Variants in ANKAR observed in about 807,000 individuals in gnomAD.
ANKAR encodes ankyrin and armadillo repeat containing.
ANKAR carries 136 observed loss-of-function variants against 146.2 expected under a neutral mutation model. The observed-to-expected ratio is 0.93, with a 90% CI of 0.81 to 1.07. The LOEUF (loss-of-function observed/expected upper bound fraction) is 1.07. Ranked by LOEUF, ANKAR falls within the 50% of genes least tolerant of loss-of-function variation. The pLI is 0.00. For missense variants in ANKAR, 1,567 were observed against 1,679.9 expected (o/e 0.93, Z 1.18); for synonymous variants, 500 against 575.8 (o/e 0.87, Z 1.88).
intron 21 of ANKAR, 74 bp downstream of exon 21, chr2:189,743,548 C>T (rs1236606661): frequency 3.0e-6 from 4 of 1,315,792 alleles, no homozygotes; most frequent in African/African-American, 3.0e-5. Flanking sequence ...TAGTAAGATC[C>T]AACAAGAGGA....
At chr2:189,751,444 G>GTTTTT (rs779920289), downstream of ANKAR, among the ~76,000 whole-genome samples, 2 of 126,146 alleles carry the variant, frequency 1.6e-5, no homozygotes, top group Non-Finnish European at 1.6e-5. Context: ...GACAAGTTGT[G>GTTTTT]TTTTTTTTTT....
intron 18 of ANKAR, chr2:189,755,542 AG>A (rs1201580778): frequency 1.3e-6 from 2 of 1,598,956 alleles, no homozygotes; most frequent in Admixed American, 3.6e-5. Flanking sequence ...GAGCTGCTGG[AG>A]GAACAATCCC....
intron 9 of ANKAR, among the ~76,000 whole-genome samples, chr2:189,709,250 G>T (rs2039375617): frequency 6.6e-6 from 1 of 152,166 alleles, no homozygotes; most frequent in Admixed American, 6.5e-5. Flanking sequence ...AGAAAGGGAA[G>T]TAAGAGGAAA....
chr2:189,677,901 A>G (rs2034000798), intron 2 of ANKAR, among the ~76,000 whole-genome samples: 1 of 152,144 alleles, frequency 6.6e-6, no homozygotes, highest in Admixed American at 6.5e-5. Flanking sequence ...ATAAACATGC[A>G]TGTGCAAGTG....
At chr2:189,698,467 A>C (rs1053309689) in intron 7 of ANKAR, among the ~76,000 whole-genome samples, 3 of 152,174 alleles carry the variant, frequency 2.0e-5, no homozygotes, top group African/African-American at 7.2e-5. Context: ...CTGAGGAATG[A>C]GTCGTTTTTG....
intron 10 of ANKAR, among the ~76,000 whole-genome samples, chr2:189,716,768 C>A (rs1468077180): frequency 5.3e-5 from 8 of 151,728 alleles, no homozygotes; most frequent in Non-Finnish European, 8.8e-5. Flanking sequence ...CAGAACAGAG[C>A]CCTCAGAAAT....
At chr2:189,741,231 ACAGAGATGT>A in intron 19 of ANKAR, 102 bp from the exon 20 acceptor site, 1 of 618,220 alleles carries the variant, frequency 1.6e-6, no homozygotes. Flanking sequence ...TGCTTCATTG[ACAGAGATGT>A]CTTGTGACAC....
rs1001710696 is a variant in ANKAR, at chr2:189,728,191, A to G, written c.2878-76A>G. The G allele has an allele frequency of 4.0e-6, 6 of 1,499,416 alleles. No individual in the cohort carries two copies. In the Admixed American group the frequency reaches 9.5e-5, roughly 24 times the overall value. 92.9% of individuals were successfully genotyped at this position (1,499,416 alleles called of 1,614,324 possible). A position where few individuals can be genotyped will look rare whatever the true frequency, so the allele number is the denominator to read the frequency against. On this transcript the variant is annotated intron_variant, in intron 13 of 22. Coordinates refer to ENST00000684021, the MANE Select transcript of ANKAR (RefSeq NM_001378068.1). ...AGAAAAACTAAACCAATTCTAGAAT[A>G]AACATTTTATAAAATATGCATTCCT... is the stretch of plus-strand genomic sequence containing the variant.
chr2:189,677,184 C>CA (rs1316551094), intron 2 of ANKAR, 93 bp downstream of exon 2: 1 of 1,301,068 alleles, frequency 7.7e-7, no homozygotes, highest in African/African-American at 1.5e-5. Flanking sequence ...CCCCTGAGCT[C>CA]AAGCCATTCA....
chr2:189,694,903 G>C (rs2036968074), intron 5 of ANKAR, 78 bp from the exon 6 acceptor site: 7 of 936,012 alleles, frequency 7.5e-6, no homozygotes, highest in Non-Finnish European at 1.0e-5. Flanking sequence ...AAAAATAAAA[G>C]TTTTGCCAGC....
chr2:189,759,693 A>C (rs894266079), intron 18 of ANKAR, among the ~76,000 whole-genome samples: 1 of 152,134 alleles, frequency 6.6e-6, no homozygotes, highest in Admixed American at 6.5e-5. Context: ...CACTATTCAG[A>C]TGTTGTAAAT....
intron 7 of ANKAR, 57 bp from the exon 8 acceptor site, chr2:189,704,966 G>T: frequency 6.5e-7 from 1 of 1,529,280 alleles, no homozygotes; most frequent in Non-Finnish European, 9.0e-7. Flanking sequence ...AGGCATTTAG[G>T]TTTTTTTTAG....
chr2:189,708,739 T>C (rs2039296311), intron 9 of ANKAR, among the ~76,000 whole-genome samples: 3 of 152,154 alleles, frequency 2.0e-5, no homozygotes, highest in African/African-American at 7.2e-5. Context: ...TTGAGAAGCA[T>C]CTGTCTAGGA....
At chr2:189,735,406 T>C in intron 17 of ANKAR, among the ~76,000 whole-genome samples, 1 of 152,236 alleles carries the variant, frequency 6.6e-6, no homozygotes, top group Non-Finnish European at 1.5e-5. Flanking sequence ...CCAGGGTTTC[T>C]TGTACTATAT....
At chr2:189,685,104 C>T (rs1467485422) in intron 2 of ANKAR, among the ~76,000 whole-genome samples, 1 of 152,030 alleles carries the variant, frequency 6.6e-6, no homozygotes, top group Non-Finnish European at 1.5e-5. Context: ...CTCCTGGGCT[C>T]AAGTGATCTT....
chr2:189,750,787 T>C (rs1461304027), downstream of ANKAR: 1 of 588,700 alleles, frequency 1.7e-6, no homozygotes, highest in African/African-American at 1.9e-5. Flanking sequence ...GTGATGATTC[T>C]TAAATACTTA....
intron 2 of ANKAR, among the ~76,000 whole-genome samples, chr2:189,687,886 A>G (rs1369734698): frequency 6.6e-6 from 1 of 152,146 alleles, no homozygotes; most frequent in Non-Finnish European, 1.5e-5. Context: ...ATAGTTTGCA[A>G]ATATTTTCTC....
chr2:189,703,458 C>T (rs1559086980), intron 7 of ANKAR, among the ~76,000 whole-genome samples: 1 of 152,110 alleles, frequency 6.6e-6, no homozygotes, highest in Non-Finnish European at 1.5e-5. Context: ...CATCATATCT[C>T]TCACTGATTT....
At chr2:189,720,489 G>A (rs549565292) in intron 11 of ANKAR, 130 bp from the exon 12 acceptor site, 57 of 407,566 alleles carry the variant, frequency 1.4e-4, no homozygotes, top group Non-Finnish European at 2.1e-4. Context: ...CTTGTGATCC[G>A]CCTGCCTCGG....
Sources: gnomAD v4.1 joint callset for allele counts (sites outside exome capture counted in the v4.1 genomes callset) on GRCh38, gnomAD v4.1.1 for gene constraint, MANE v1.5 for transcripts, NCBI Gene and HGNC (gene_info 2026-07-23, HGNC 2026-07-21) for gene names.